WDFY2: variants seen among roughly 807,000 people sequenced by gnomAD.
WDFY2 encodes WD repeat and FYVE domain containing 2, also known as WD repeat and FYVE domain-containing protein 2.
In WDFY2, 36 loss-of-function variants were observed where a neutral mutation model predicts 56.4. That is an observed-to-expected ratio of 0.64 (90% confidence interval 0.49 to 0.84). WDFY2 has a LOEUF of 0.84. Among genes scored for constraint, WDFY2 ranks in the 40% least tolerant of loss-of-function variants. The probability of loss-of-function intolerance (pLI) is 0.00; values close to 1 mark genes in which losing one functional copy is unlikely to be tolerated. For synonymous variants in WDFY2, 176 were observed against 183.7 expected (o/e 0.96, Z 0.34); for missense variants, 444 against 512.2 (o/e 0.87, Z 1.29).
chr13:51,707,939 CTTTTTTTTTTTTTT>C (rs56054205), intron 4 of WDFY2, among the ~76,000 whole-genome samples: 21 of 57,562 alleles, frequency 3.6e-4, no homozygotes, highest in South Asian at 1.8e-3. Flanking sequence ...CCTAAAACAA[CTTTTTTTTTTTTTT>C]TTTTTTTTTT....
chr13:51,729,427 A>AC (rs1387892276), intron 6 of WDFY2, among the ~76,000 whole-genome samples: 5 of 150,938 alleles, frequency 3.3e-5, no homozygotes, highest in African/African-American at 1.2e-4. Context: ...AAAAAAAAAA[A>AC]CCACATATTT....
intron 1 of WDFY2, among the ~76,000 whole-genome samples, chr13:51,655,547 C>T (rs1955494482): frequency 6.6e-6 from 1 of 151,990 alleles, no homozygotes; most frequent in Non-Finnish European, 1.5e-5. Flanking sequence ...CACACTCAGT[C>T]ATGGTATATA....
At chr13:51,591,567 A>T (rs1470241819) in intron 1 of WDFY2, 1 of 152,196 alleles carries the variant, frequency 6.6e-6, no homozygotes, top group South Asian at 2.1e-4. Flanking sequence ...TCACACATAG[A>T]CACACATATG....
At chr13:51,690,304 C>A (rs1222499939) in intron 3 of WDFY2, among the ~76,000 whole-genome samples, 1 of 150,686 alleles carries the variant, frequency 6.6e-6, no homozygotes, top group Non-Finnish European at 1.5e-5. Context: ...ACTAACTCGT[C>A]ATCTAGCATT....
intron 5 of WDFY2, among the ~76,000 whole-genome samples, chr13:51,720,768 C>A (rs143790492): frequency 6.6e-6 from 1 of 152,254 alleles, no homozygotes; most frequent in African/African-American, 2.4e-5. Flanking sequence ...TCGCTTCCTG[C>A]TTCGTAGACA....
chr13:51,716,037 G>A (rs1952338651), intron 4 of WDFY2, among the ~76,000 whole-genome samples: 1 of 152,272 alleles, frequency 6.6e-6, no homozygotes, highest in South Asian at 2.1e-4. Context: ...TATACAGTGA[G>A]TTATTTAGCC....
At chr13:51,606,901 A>G (rs1476389793) in intron 1 of WDFY2, among the ~76,000 whole-genome samples, 2 of 152,216 alleles carry the variant, frequency 1.3e-5, no homozygotes, top group African/African-American at 4.8e-5. Context: ...TGAATGGACA[A>G]GATAATTTAT....
In WDFY2 at chr13:51,765,619, C is replaced by G. The variant is rs986893870; in HGVS notation, c.*5850C>G. 6.6e-6 allele frequency: 1 copy of G among 152,182 alleles called. No individual in the cohort carries two copies. Among genetic ancestry groups the G allele is most frequent in the Non-Finnish European group, 1.5e-5 (1 of 68,028 alleles). 9.4% of individuals were successfully genotyped at this position (152,182 alleles called of 1,614,324 possible). A position where few individuals can be genotyped will look rare whatever the true frequency, so the allele number is the denominator to read the frequency against. ...CCTAGCCCATCACCAGTGACCTGCC[C>G]GCATATTGCTGGCTTCCCTTGGATA... On this transcript the variant is annotated 3_prime_UTR_variant, in exon 12 of 12. Coordinates refer to ENST00000298125, the MANE Select transcript of WDFY2 (RefSeq NM_052950.4).
At chr13:51,589,197 T>C (rs2138282156) in intron 1 of WDFY2, 1 of 152,290 alleles carries the variant, frequency 6.6e-6, no homozygotes, top group Non-Finnish European at 1.5e-5. Context: ...CCTTTTTGAA[T>C]TGAAATGGAC....
chr13:51,712,277 T>A (rs1952238071), intron 4 of WDFY2, among the ~76,000 whole-genome samples: 1 of 152,000 alleles, frequency 6.6e-6, no homozygotes. Flanking sequence ...TTGAGGAACA[T>A]CACACGCTGG....
intron 6 of WDFY2, among the ~76,000 whole-genome samples, chr13:51,728,247 C>A (rs1952647688): frequency 6.6e-6 from 1 of 152,204 alleles, no homozygotes; most frequent in Admixed American, 6.5e-5. Flanking sequence ...AGTAGCTAGA[C>A]TTTGTGAAAA....
At chr13:51,715,095 GGTGA>G (rs1952314153) in intron 4 of WDFY2, among the ~76,000 whole-genome samples, 1 of 152,180 alleles carries the variant, frequency 6.6e-6, no homozygotes, top group Non-Finnish European at 1.5e-5. Context: ...AATTGCTCTG[GGTGA>G]GTCAGTGAGT....
chr13:51,757,672 T>C (rs1044046375), intron 10 of WDFY2, among the ~76,000 whole-genome samples: 7 of 152,022 alleles, frequency 4.6e-5, no homozygotes, highest in African/African-American at 1.7e-4. Context: ...AATAATGATG[T>C]TTGTTTTTTA....
chr13:51,688,511 C>CA (rs898435859), intron 3 of WDFY2, among the ~76,000 whole-genome samples: 1 of 152,098 alleles, frequency 6.6e-6, no homozygotes, highest in African/African-American at 2.4e-5. Flanking sequence ...AACATACAAC[C>CA]AAGTAAGCCT....
At chr13:51,629,299 T>C (rs908087712) in intron 1 of WDFY2, among the ~76,000 whole-genome samples, 1 of 152,234 alleles carries the variant, frequency 6.6e-6, no homozygotes, top group Non-Finnish European at 1.5e-5. Context: ...AGATGGTTAC[T>C]GGTATTAATT....
At chr13:51,664,179 G>C (rs1042873149) in intron 2 of WDFY2, among the ~76,000 whole-genome samples, 10 of 152,196 alleles carry the variant, frequency 6.6e-5, no homozygotes, top group African/African-American at 2.4e-4. Flanking sequence ...GCAGACAAGA[G>C]AAAGAAGAGC....
intron 1 of WDFY2, among the ~76,000 whole-genome samples, chr13:51,655,889 T>C (rs1955499647): frequency 6.6e-6 from 1 of 152,090 alleles, no homozygotes; most frequent in Non-Finnish European, 1.5e-5. Flanking sequence ...TATTGGTAGA[T>C]TGTATGTTTC....
At chr13:51,744,572 A>G (rs1162115891) in intron 7 of WDFY2, among the ~76,000 whole-genome samples, 1 of 152,162 alleles carries the variant, frequency 6.6e-6, no homozygotes, top group Non-Finnish European at 1.5e-5. Context: ...CCCTCCAATT[A>G]TATGTTTGGA....
At chr13:51,587,610 A>G (rs1173979462) in intron 1 of WDFY2, 1 of 152,260 alleles carries the variant, frequency 6.6e-6, no homozygotes, top group East Asian at 1.9e-4. Context: ...TATTCCGTCA[A>G]CAAACATTTG....
Sources: gnomAD v4.1 joint callset for allele counts (sites outside exome capture counted in the v4.1 genomes callset) on GRCh38, gnomAD v4.1.1 for gene constraint, MANE v1.5 for transcripts, NCBI Gene and HGNC (gene_info 2026-07-23, HGNC 2026-07-21) for gene names.